VPS45: variants seen among roughly 807,000 people sequenced by gnomAD.
VPS45 encodes vacuolar protein sorting 45 homolog.
VPS45 carries 35 observed loss-of-function variants against 75.9 expected under a neutral mutation model. That is an observed-to-expected ratio of 0.46 (90% CI 0.35 to 0.61). The LOEUF is 0.61. Ranked by LOEUF, VPS45 falls within the 20% of genes least tolerant of loss-of-function variation. VPS45 has a pLI of 0.00. For missense variants in VPS45, 559 were observed against 685.9 expected, an observed-to-expected ratio of 0.81 and a Z score of 2.07; for synonymous variants, 220 against 238.2, an observed-to-expected ratio of 0.92 and a Z score of 0.70.
chr1:150,110,228 A>G, intron 13 of VPS45: 1 of 315,796 alleles, frequency 3.2e-6, no homozygotes, highest in South Asian at 7.3e-5. Flanking sequence ...GTTCCAGCAA[A>G]CACTATTGTG....
chr1:150,071,166 T>C, intron 2 of VPS45, among the ~76,000 whole-genome samples: 1 of 152,188 alleles, frequency 6.6e-6, no homozygotes, highest in Admixed American at 6.5e-5. Context: ...CAAATTAATA[T>C]GTTTAGGGAA....
chr1:150,077,708 C>G lies in VPS45; in HGVS notation c.616C>G (p.Arg206Gly). 6.2e-7 allele frequency: 1 copy of G among 1,614,028 alleles called. No individual in the cohort carries two copies. The highest frequency in any genetic ancestry group is 8.5e-7 in the Non-Finnish European group (1 of 1,179,952). ...AGAATATGAACTGTTTGAATTCCGT[C>G]GGACAGAGGTTCCTCCATTGCTCCT... ...TKEYELFEFR[R>G]TEVPPLLLIL... Residue 206 changes from arginine (R) to glycine (G), a missense_variant, in exon 7 of 15, where the codon CGG (arginine) becomes GGG (glycine). Coordinates refer to ENST00000644510, the MANE Select transcript of VPS45 (RefSeq NM_007259.5).
In VPS45 at chr1:150,067,950, G is replaced by A. The variant is rs1387315578; in HGVS notation, c.93G>A (p.Thr31=). Residue 31 remains threonine, a splice_region_variant and synonymous_variant, in exon 1 of 15, where the codon ACG becomes ACA. Coordinates refer to ENST00000644510, the MANE Select transcript of VPS45 (RefSeq NM_007259.5). ...GMKVLLMDKE[T]TGIVSMVYTQ... ...AAGTACTTCTCATGGATAAAGAGAC[G>A]GTGAGTTTGCTTTTGCTCAGCATTT... 4 of 1,613,874 alleles carry A rather than the reference G, an allele frequency of 2.5e-6. No individual in the cohort carries two copies. In the African/African-American group the frequency reaches 4.0e-5, roughly 16 times the overall value.
At chr1:150,093,122 A>G (rs1192005170) in intron 12 of VPS45, among the ~76,000 whole-genome samples, 1 of 152,096 alleles carries the variant, frequency 6.6e-6, no homozygotes, top group Non-Finnish European at 1.5e-5. Flanking sequence ...CTGGGATTAC[A>G]GGCGTGAGCC....
At chr1:150,103,824 A>C (rs1657173897) in intron 13 of VPS45, among the ~76,000 whole-genome samples, 1 of 152,226 alleles carries the variant, frequency 6.6e-6, no homozygotes, top group Non-Finnish European at 1.5e-5. Flanking sequence ...TTGACTTATC[A>C]GATCAGAAGC....
chr1:150,131,598 G>T (rs1478114113), intron 14 of VPS45, among the ~76,000 whole-genome samples: 4 of 151,414 alleles, frequency 2.6e-5, no homozygotes, highest in Non-Finnish European at 5.9e-5. Context: ...GCTTTCAGAG[G>T]TCGAGACAGG....
At chr1:150,071,472 C>G (rs1200102798) in intron 2 of VPS45, among the ~76,000 whole-genome samples, 1 of 152,066 alleles carries the variant, frequency 6.6e-6, no homozygotes, top group Non-Finnish European at 1.5e-5. Context: ...AAGGAATAGA[C>G]ACATTTAATG....
chr1:150,092,092 A>G lies in VPS45; in HGVS notation c.1260A>G (p.Arg420=), dbSNP rs1656355917. 1.2e-6 allele frequency: 2 copies of G among 1,612,684 alleles called. No homozygotes were observed. Among genetic ancestry groups the G allele is most frequent in the Admixed American group, 3.3e-5 (2 of 59,812 alleles). The change falls in exon 11 of 15, where the codon CGA becomes CGG. Residue 420 remains arginine (R), a synonymous_variant. Coordinates refer to ENST00000644510, the MANE Select transcript of VPS45 (RefSeq NM_007259.5). ...LRNKGVSEKY[R]KLVSAVVEYG... is the part of the protein sequence containing the mutation. Reference sequence around the variant, plus strand: ...ATAAAGGTGTTTCTGAGAAGTATCGAAAGGTAACCAGTTTCCATATTAGCC... The same window carrying G: ...ATAAAGGTGTTTCTGAGAAGTATCGGAAGGTAACCAGTTTCCATATTAGCC...
intron 7 of VPS45, among the ~76,000 whole-genome samples, chr1:150,079,830 T>C (rs1450880630): frequency 6.6e-6 from 1 of 152,222 alleles, no homozygotes; most frequent in Non-Finnish European, 1.5e-5. Context: ...TAAAATAGCC[T>C]TGTATTCCTA....
chr1:150,079,745 A>G (rs1460773816), intron 7 of VPS45, among the ~76,000 whole-genome samples: 2 of 152,190 alleles, frequency 1.3e-5, no homozygotes, highest in Non-Finnish European at 2.9e-5. Context: ...GGCACAGTCT[A>G]TGTTTCAGTT....
chr1:150,094,380 G>A (rs1485803826), intron 13 of VPS45, among the ~76,000 whole-genome samples: 1 of 152,006 alleles, frequency 6.6e-6, no homozygotes, highest in African/African-American at 2.4e-5. Context: ...TATTATTTCA[G>A]TTAATAAACA....
At chr1:150,130,544 A>G (rs1658778961) in intron 14 of VPS45, among the ~76,000 whole-genome samples, 2 of 152,166 alleles carry the variant, frequency 1.3e-5, no homozygotes, top group African/African-American at 2.4e-5. Flanking sequence ...TGTGCTTTCA[A>G]TGAAAATGCT....
At chr1:150,140,421 G>GTGTGTGTGTA (rs1659336438) in intron 14 of VPS45, among the ~76,000 whole-genome samples, 2 of 150,206 alleles carry the variant, frequency 1.3e-5, no homozygotes, top group African/African-American at 5.0e-5. Flanking sequence ...GTGTGTGTGT[G>GTGTGTGTGTA]TGTGTGTATT....
At chr1:150,076,612 A>G (rs782503497) in intron 4 of VPS45, 24 of 490,642 alleles carry the variant, frequency 4.9e-5, no homozygotes, top group Non-Finnish European at 8.2e-5. Flanking sequence ...AGAACATTGT[A>G]TCTCCTATTA....
chr1:150,124,578 C>T (rs1189900431), intron 14 of VPS45, among the ~76,000 whole-genome samples: 2 of 136,818 alleles, frequency 1.5e-5, no homozygotes, highest in Non-Finnish European at 3.1e-5. Context: ...GACAGAGTCT[C>T]GCCCTGTCAC....
At chr1:150,076,465 A>G (rs977030534) in intron 4 of VPS45, 153 bp downstream of exon 4, 23 of 538,166 alleles carry the variant, frequency 4.3e-5, no homozygotes, top group Non-Finnish European at 6.6e-5. Flanking sequence ...TATTGTTTTC[A>G]GAGGCAGCAA....
intron 2 of VPS45, among the ~76,000 whole-genome samples, chr1:150,069,894 T>TA (rs1168438108): frequency 1.3e-5 from 2 of 152,200 alleles, no homozygotes; most frequent in Non-Finnish European, 2.9e-5. Context: ...ATTGCTTTTC[T>TA]GATAAGGGCA....
At chr1:150,138,909 A>C (rs782404836) in intron 14 of VPS45, among the ~76,000 whole-genome samples, 1 of 152,146 alleles carries the variant, frequency 6.6e-6, no homozygotes. Context: ...GGCAAAAAAA[A>C]ACTTGGCATT....
At chr1:150,099,040 CT>C in intron 13 of VPS45, 5 of 1,094,486 alleles carry the variant, frequency 4.6e-6, no homozygotes, top group East Asian at 8.0e-5. Flanking sequence ...TTTCATTGGC[CT>C]TTTTTCCTGC....
Sources: gnomAD v4.1 joint callset for allele counts (sites outside exome capture counted in the v4.1 genomes callset) on GRCh38, gnomAD v4.1.1 for gene constraint, MANE v1.5 for transcripts, NCBI Gene and HGNC (gene_info 2026-07-23, HGNC 2026-07-21) for gene names.